NBEA: variants seen among roughly 807,000 people sequenced by gnomAD.
NBEA encodes lysosomal-trafficking regulator 2.
NBEA carries 44 observed loss-of-function variants against 343.4 expected under a neutral mutation model. That is an observed-to-expected ratio of 0.13 (90% CI 0.10 to 0.16). The LOEUF (loss-of-function observed/expected upper bound fraction) is 0.16. NBEA is among the 10% of genes least tolerant of loss of function. NBEA has a pLI of 1.00. For synonymous variants in NBEA, 1,175 were observed against 1,238.7 expected, an observed-to-expected ratio of 0.95 and a Z score of 1.08; for missense variants, 2,555 against 3,631.3, an observed-to-expected ratio of 0.70 and a Z score of 7.62.
At chr13:35,097,169 T>G (rs2065378964) in intron 10 of NBEA, among the ~76,000 whole-genome samples, 1 of 151,896 alleles carries the variant, frequency 6.6e-6, no homozygotes, top group Non-Finnish European at 1.5e-5. Context: ...GTAGCCACAT[T>G]ATGAGAAAAA....
intron 28 of NBEA, among the ~76,000 whole-genome samples, chr13:35,179,341 G>A (rs529987976): frequency 1.3e-4 from 20 of 151,484 alleles, no homozygotes; most frequent in Admixed American, 5.9e-4. Flanking sequence ...GTACACCATG[G>A]CAACACTTAA....
chr13:35,148,798 A>G (rs2068595324), intron 18 of NBEA, among the ~76,000 whole-genome samples: 1 of 152,170 alleles, frequency 6.6e-6, no homozygotes, highest in African/African-American at 2.4e-5. Context: ...TTTGTGGGCT[A>G]TACAGTATCT....
At chr13:35,069,715 T>G (rs1208599555) in intron 8 of NBEA, among the ~76,000 whole-genome samples, 193 bp from the exon 9 acceptor site, 1 of 152,116 alleles carries the variant, frequency 6.6e-6, no homozygotes, top group Non-Finnish European at 1.5e-5. Context: ...TCTGAGCATT[T>G]TTATTGGCAT....
intron 1 of NBEA, among the ~76,000 whole-genome samples, chr13:34,954,852 C>A (rs2059445501): frequency 6.6e-6 from 1 of 152,060 alleles, no homozygotes; most frequent in South Asian, 2.1e-4. Flanking sequence ...CAGATGCAAC[C>A]ATCTATTTTT....
At chr13:35,460,617 T>C (rs1423374619) in intron 40 of NBEA, among the ~76,000 whole-genome samples, 3 of 152,224 alleles carry the variant, frequency 2.0e-5, no homozygotes, top group African/African-American at 7.2e-5. Context: ...TCCATATTTA[T>C]TTCCATAAAC....
chr13:35,647,884 AT>A (rs984936471), intron 51 of NBEA, among the ~76,000 whole-genome samples: 5 of 151,242 alleles, frequency 3.3e-5, no homozygotes, highest in Admixed American at 6.6e-5. Flanking sequence ...TTGTTTTTAA[AT>A]TTTTTTTTAA....
chr13:35,301,114 GA>G (rs1207042502), intron 35 of NBEA, among the ~76,000 whole-genome samples: 2 of 150,132 alleles, frequency 1.3e-5, no homozygotes, highest in Non-Finnish European at 2.9e-5. Flanking sequence ...TTTAGTAGGT[GA>G]AAAAAATAAA....
At chr13:35,458,024 TCTG>T (rs1306079219) in intron 40 of NBEA, among the ~76,000 whole-genome samples, 2 of 152,248 alleles carry the variant, frequency 1.3e-5, no homozygotes, top group Non-Finnish European at 2.9e-5. Context: ...TATGAATAAT[TCTG>T]CTGTGAACAT....
chr13:35,281,585 C>T (rs1169748726), intron 34 of NBEA, among the ~76,000 whole-genome samples: 1 of 152,058 alleles, frequency 6.6e-6, no homozygotes, highest in African/African-American at 2.4e-5. Context: ...TTTCCTTTTA[C>T]CAATTATGTT....
At chr13:35,663,943 G>A (rs915213823) in intron 55 of NBEA, among the ~76,000 whole-genome samples, 6 of 152,176 alleles carry the variant, frequency 3.9e-5, no homozygotes, top group Non-Finnish European at 8.8e-5. Context: ...CAAATAAAAC[G>A]GAGAAATCCT....
chr13:35,406,363 T>G (rs1448867284), intron 38 of NBEA, among the ~76,000 whole-genome samples: 2 of 151,330 alleles, frequency 1.3e-5, no homozygotes, highest in Non-Finnish European at 2.9e-5. Flanking sequence ...GTTACATGAA[T>G]AAGTTCTTTA....
chr13:35,342,759 G>A (rs955780740), intron 36 of NBEA, among the ~76,000 whole-genome samples: 21 of 151,896 alleles, frequency 1.4e-4, no homozygotes, highest in Non-Finnish European at 2.2e-4. Flanking sequence ...GCAATGAAAA[G>A]AGTAGAATAA....
At chr13:35,205,808 C>T (rs2073355153) in intron 31 of NBEA, among the ~76,000 whole-genome samples, 1 of 152,052 alleles carries the variant, frequency 6.6e-6, no homozygotes, top group Admixed American at 6.6e-5. Context: ...ATATGTGTTA[C>T]CTCCTTTTAT....
At chr13:35,656,440 T>G (rs2084818198) in intron 55 of NBEA, among the ~76,000 whole-genome samples, 1 of 152,242 alleles carries the variant, frequency 6.6e-6, no homozygotes, top group South Asian at 2.1e-4. Context: ...AATTTGTTGA[T>G]GCTTGTTTAA....
intron 38 of NBEA, among the ~76,000 whole-genome samples, chr13:35,404,363 A>G (rs1044213203): frequency 6.6e-6 from 1 of 150,882 alleles, no homozygotes; most frequent in African/African-American, 2.4e-5. Flanking sequence ...CAGATGTCCA[A>G]CAATGATAGA....
rs150339310 is a variant in NBEA, at chr13:35,279,235, T to C, written c.5777-11154T>C. ...GTAAAACATTTGTTTCAGTTACATA[T>C]ACAGGATCATGATATGAAATGTATT... On this transcript the variant is annotated intron_variant, in intron 34 of 58. Coordinates refer to ENST00000379939, the MANE Select transcript of NBEA (RefSeq NM_001385012.1). 2.0e-3 allele frequency among the ~76,000 whole-genome samples: 299 copies of C among 152,320 alleles called. 1 individual carries two copies. The highest frequency in any genetic ancestry group is 6.6e-3 in the African/African-American group (275 of 41,592).
rs375077347 is a variant in NBEA at position 35,352,255 on chromosome 13, T to C, written c.6111T>C (p.Asn2037=). The C allele has an allele frequency of 8.3e-6, 13 of 1,563,044 alleles. No homozygotes were observed. The African/African-American group carries it at 1.8e-4, about 21-fold the overall frequency. The change falls in exon 38 of 59, where the codon AAT becomes AAC. Residue 2037 remains asparagine, a synonymous_variant. Coordinates refer to ENST00000379939, the MANE Select transcript of NBEA (RefSeq NM_001385012.1). ...AAKHRDHVTA[N]QLKQKILNIL... is the part of the protein sequence containing the mutation. Reference sequence around the variant, plus strand: ...AACATCGAGATCATGTAACAGCAAATCAGCTGAAACAGAAGATTCTCAATA... The same window carrying C: ...AACATCGAGATCATGTAACAGCAAACCAGCTGAAACAGAAGATTCTCAATA...
chr13:35,177,329 G>A (rs1435168300), intron 28 of NBEA, among the ~76,000 whole-genome samples: 1 of 151,716 alleles, frequency 6.6e-6, no homozygotes, highest in Non-Finnish European at 1.5e-5. Context: ...TAAGTTGCTT[G>A]CATACTAAGA....
intron 1 of NBEA, among the ~76,000 whole-genome samples, chr13:34,970,188 T>C (rs566894667): frequency 3.0e-4 from 46 of 152,350 alleles, no homozygotes; most frequent in African/African-American, 1.1e-3. Context: ...GGCACATGTA[T>C]GTCTTCTTTT....
Sources: gnomAD v4.1 joint callset for allele counts (sites outside exome capture counted in the v4.1 genomes callset) on GRCh38, gnomAD v4.1.1 for gene constraint, MANE v1.5 for transcripts, NCBI Gene and HGNC (gene_info 2026-07-23, HGNC 2026-07-21) for gene names.